The following SMARCAD1 variants were observed in gnomAD, a reference collection of about 807,000 sequenced individuals.
The protein encoded by SMARCAD1 is SWI/SNF-related matrix-associated actin-dependent regulator of chromatin subfamily A containing DEAD/H box 1.
Under a neutral mutation model 127.1 loss-of-function variants are expected in SMARCAD1, and 25 were observed. The ratio of observed to expected loss-of-function variants is 0.20; its 90% CI spans 0.14 to 0.27. The LOEUF (loss-of-function observed/expected upper bound fraction) is 0.27. Among genes scored for constraint, SMARCAD1 ranks in the 10% least tolerant of loss-of-function variants. The pLI, the probability that SMARCAD1 is intolerant of heterozygous loss-of-function variation, is 1.00. For synonymous variants in SMARCAD1, 400 were observed against 396.9 expected (o/e 1.01, Z -0.09); for missense variants, 807 against 1,206.0 (o/e 0.67, Z 4.90).
intron 20 of SMARCAD1, 30 bp from the exon 21 acceptor site, chr4:94,281,442 T>A: frequency 6.8e-7 from 1 of 1,462,780 alleles, no homozygotes; most frequent in Non-Finnish European, 9.6e-7. Context: ...CGATTTTTTC[T>A]ATTTCTAATT....
chr4:94,274,592 C>T (rs1231157443), intron 12 of SMARCAD1, 146 bp from the exon 13 acceptor site: 17 of 769,162 alleles, frequency 2.2e-5, no homozygotes, highest in African/African-American at 3.4e-5. Context: ...GTTGGGATTA[C>T]AGGCATGAGC....
At chr4:94,208,142 G>T (rs1242127605) in intron 1 of SMARCAD1, 72 bp downstream of exon 1, 2 of 628,694 alleles carry the variant, frequency 3.2e-6, no homozygotes, top group Non-Finnish European at 5.9e-6. Flanking sequence ...GCGGACGAAG[G>T]GGAGTGAAAA....
At chr4:94,236,908 T>A in intron 4 of SMARCAD1, 44 bp from the exon 5 acceptor site, 1 of 1,453,612 alleles carries the variant, frequency 6.9e-7, no homozygotes, top group Non-Finnish European at 9.7e-7. Flanking sequence ...GAAATAATTC[T>A]TAAAGTGCTG....
At chr4:94,239,148 C>T (rs1038506924) in intron 5 of SMARCAD1, among the ~76,000 whole-genome samples, 1 of 152,144 alleles carries the variant, frequency 6.6e-6, no homozygotes, top group African/African-American at 2.4e-5. Flanking sequence ...CAGACATCTT[C>T]ATTTTTAGTG....
chr4:94,250,373 A>G (rs1749107628), intron 7 of SMARCAD1, among the ~76,000 whole-genome samples: 1 of 152,058 alleles, frequency 6.6e-6, no homozygotes, highest in Non-Finnish European at 1.5e-5. Context: ...TGAATGCAAA[A>G]TCTTGTTGCA....
intron 8 of SMARCAD1, among the ~76,000 whole-genome samples, chr4:94,252,298 A>G (rs1749394988): frequency 6.6e-6 from 1 of 152,244 alleles, no homozygotes; most frequent in South Asian, 2.1e-4. Flanking sequence ...GTGTTGGCAT[A>G]GTTGAGTGGG....
At chr4:94,216,051 A>G (rs1743119430) in intron 2 of SMARCAD1, among the ~76,000 whole-genome samples, 1 of 152,160 alleles carries the variant, frequency 6.6e-6, no homozygotes, top group Non-Finnish European at 1.5e-5. Flanking sequence ...GGGAAGTCCA[A>G]AATCAAGGTG....
At chr4:94,251,904 T>C (rs1003513308) in intron 8 of SMARCAD1, among the ~76,000 whole-genome samples, 1 of 152,106 alleles carries the variant, frequency 6.6e-6, no homozygotes, top group Non-Finnish European at 1.5e-5. Flanking sequence ...CAGGCTGGAG[T>C]GCAGTGGCAC....
intron 10 of SMARCAD1, among the ~76,000 whole-genome samples, chr4:94,267,866 A>C (rs1277618666): frequency 6.6e-6 from 1 of 152,160 alleles, no homozygotes; most frequent in Non-Finnish European, 1.5e-5. Flanking sequence ...AATTCTTAGA[A>C]AACTGTGAAG....
chr4:94,247,501 A>G (rs1478437322), intron 6 of SMARCAD1, among the ~76,000 whole-genome samples: 1 of 152,232 alleles, frequency 6.6e-6, no homozygotes, highest in African/African-American at 2.4e-5. Flanking sequence ...ACTGTTTTCC[A>G]GATATTTTAT....
intron 14 of SMARCAD1, 56 bp downstream of exon 14, chr4:94,275,021 A>G (rs1350315377): frequency 4.8e-6 from 6 of 1,244,102 alleles, no homozygotes; most frequent in South Asian, 1.2e-5. Flanking sequence ...CAAATTTAAA[A>G]AAGAAATTGT....
chr4:94,262,189 A>G (rs943603882), intron 9 of SMARCAD1, among the ~76,000 whole-genome samples: 4 of 152,118 alleles, frequency 2.6e-5, no homozygotes, highest in African/African-American at 9.7e-5. Context: ...ATCTTTATTT[A>G]ACTAACCACT....
intron 10 of SMARCAD1, among the ~76,000 whole-genome samples, chr4:94,270,075 T>G (rs1480809366): frequency 1.3e-5 from 2 of 151,658 alleles, no homozygotes; most frequent in Non-Finnish European, 2.9e-5. Context: ...GAATGCTACT[T>G]TCTACTCACT....
intron 9 of SMARCAD1, among the ~76,000 whole-genome samples, chr4:94,259,009 G>T (rs189582586): frequency 6.6e-5 from 10 of 152,094 alleles, no homozygotes; most frequent in Admixed American, 5.2e-4. Flanking sequence ...CCACCCTATA[G>T]CTTTTTAAAT....
Position 94,216,935 on chromosome 4 carries a change from G to A in SMARCAD1, c.190+8351G>A, listed in dbSNP as rs543327452. The stretch of plus-strand genomic sequence containing the variant: ...TGAAACCCTGCTTTCAGTTCTTTTG[G>A]TTGTATACCCAGAAGTGGTATTGCT... On this transcript the variant is annotated intron_variant, in intron 2 of 23. Coordinates refer to ENST00000354268, the MANE Select transcript of SMARCAD1 (RefSeq NM_020159.5). 2.9e-4 allele frequency among the ~76,000 whole-genome samples: 44 copies of A among 152,252 alleles called. 2 individuals are homozygous for A. The South Asian group carries it at 8.5e-3, about 29-fold the overall frequency.
At chr4:94,227,714 G>A (rs1433137752) in intron 3 of SMARCAD1, among the ~76,000 whole-genome samples, 1 of 152,184 alleles carries the variant, frequency 6.6e-6, no homozygotes, top group Admixed American at 6.5e-5. Context: ...TCTTGAACAT[G>A]CTATGATTGA....
At position 94,252,860 on chromosome 4, in the gene SMARCAD1, A is replaced by C; in HGVS notation, c.1134A>C (p.Glu378Asp). ...TAGATGAGGACTATAGTAGTGGTGA[A>C]GAAGTGATGGAGGATGGCTATAAAG... Reference protein sequence around the residue: ...SSLDEDYSSGEEVMEDGYKGK... With the variant: ...SSLDEDYSSGDEVMEDGYKGK... The change falls in exon 9 of 24, where the codon GAA becomes GAC. Residue 378 changes from glutamate to aspartate, a missense_variant. Around this residue, in one of 8 missense-constraint regions of SMARCAD1, gnomAD observed 257 missense variants for 303.4 expected, o/e 0.85. Coordinates refer to ENST00000354268, the MANE Select transcript of SMARCAD1 (RefSeq NM_020159.5). The C allele has an allele frequency of 6.2e-7, 1 of 1,614,126 alleles. No homozygotes were observed. Among genetic ancestry groups the C allele is most frequent in the East Asian group, 2.2e-5 (1 of 44,860 alleles).
At chr4:94,229,973 T>A (rs1187771567) in intron 3 of SMARCAD1, among the ~76,000 whole-genome samples, 1 of 152,050 alleles carries the variant, frequency 6.6e-6, no homozygotes, top group Non-Finnish European at 1.5e-5. Context: ...ATAAAATAGT[T>A]TTAGAATAGC....
At chr4:94,214,563 G>A (rs999023878) in intron 2 of SMARCAD1, among the ~76,000 whole-genome samples, 1 of 152,082 alleles carries the variant, frequency 6.6e-6, no homozygotes, top group South Asian at 2.1e-4. Context: ...ACCGCACCTG[G>A]CCAAGCGTTT....
Sources: gnomAD v4.1 joint callset for allele counts (sites outside exome capture counted in the v4.1 genomes callset) on GRCh38, gnomAD v4.1.1 for gene constraint, gnomAD v4.1.1 regional missense constraint, MANE v1.5 for transcripts, NCBI Gene and HGNC (gene_info 2026-07-23, HGNC 2026-07-21) for gene names.